CDH4: variants seen among roughly 807,000 people sequenced by gnomAD.
CDH4 encodes cadherin 4.
Under a neutral mutation model 86.0 loss-of-function variants are expected in CDH4, and 33 were observed. The observed-to-expected ratio is 0.38, with a 90% CI of 0.29 to 0.51. CDH4 has a LOEUF of 0.51. Among genes scored for constraint, CDH4 ranks in the 20% least tolerant of loss-of-function variants. CDH4 has a pLI of 0.86. For synonymous variants in CDH4, 555 were observed against 549.4 expected (o/e 1.01, Z -0.14); for missense variants, 1,114 against 1,307.4 (o/e 0.85, Z 2.28).
intron 2 of CDH4, among the ~76,000 whole-genome samples, chr20:61,345,091 G>A (rs2084670881): frequency 6.6e-6 from 1 of 152,228 alleles, no homozygotes; most frequent in South Asian, 2.1e-4. Flanking sequence ...ATTCCTAGCT[G>A]TCTCTTTCGA....
At chr20:61,723,135 A>C (rs1472968066) in intron 2 of CDH4, among the ~76,000 whole-genome samples, 2 of 151,908 alleles carry the variant, frequency 1.3e-5, no homozygotes, top group African/African-American at 2.4e-5. Flanking sequence ...TGTGTCCCCG[A>C]CTCCCAGAGG....
intron 4 of CDH4, among the ~76,000 whole-genome samples, chr20:61,786,294 C>T (rs1011012303): frequency 3.3e-5 from 5 of 152,268 alleles, no homozygotes; most frequent in African/African-American, 4.8e-5. Flanking sequence ...CCCCCATGAC[C>T]GTCTTGAGTG....
At chr20:61,905,502 G>A (rs1468166047) in intron 8 of CDH4, among the ~76,000 whole-genome samples, 1 of 152,102 alleles carries the variant, frequency 6.6e-6, no homozygotes, top group East Asian at 1.9e-4. Flanking sequence ...GATGTGAGGG[G>A]CCACAAAATC....
chr20:61,788,636 G>A (rs140157474), intron 4 of CDH4, among the ~76,000 whole-genome samples: 1 of 152,346 alleles, frequency 6.6e-6, no homozygotes, highest in African/African-American at 2.4e-5. Flanking sequence ...CCTGCAGGAG[G>A]CCTGACCATG....
chr20:61,920,217 ATGGTGTCACG>A (rs2054959808), intron 9 of CDH4, among the ~76,000 whole-genome samples: 1 of 127,348 alleles, frequency 7.9e-6, no homozygotes. Flanking sequence ...GCGTGGAAGC[ATGGTGTCACG>A]GTGATTGCAT....
At chr20:61,606,431 C>G (rs187247018) in intron 2 of CDH4, among the ~76,000 whole-genome samples, 1 of 152,206 alleles carries the variant, frequency 6.6e-6, no homozygotes. Context: ...GGGATTTGAA[C>G]CCAGACCCAG....
chr20:61,420,275 C>T (rs896748358), intron 2 of CDH4, among the ~76,000 whole-genome samples: 14 of 152,196 alleles, frequency 9.2e-5, no homozygotes, highest in Non-Finnish European at 5.9e-5. Flanking sequence ...GGGTCAGCAC[C>T]GGGGCCTGGA....
chr20:61,383,714 T>C (rs1443575472), intron 2 of CDH4, among the ~76,000 whole-genome samples: 1 of 130,016 alleles, frequency 7.7e-6, no homozygotes, highest in East Asian at 2.2e-4. Flanking sequence ...ATGTATATGA[T>C]ATATGATATA....
intron 2 of CDH4, among the ~76,000 whole-genome samples, chr20:61,498,247 A>G (rs1312047726): frequency 6.6e-6 from 1 of 152,118 alleles, no homozygotes; most frequent in Non-Finnish European, 1.5e-5. Flanking sequence ...ACCAGATCGG[A>G]TGGGCAAATA....
intron 2 of CDH4, among the ~76,000 whole-genome samples, chr20:61,578,688 T>A (rs1327875930): frequency 6.6e-6 from 1 of 152,196 alleles, no homozygotes; most frequent in Non-Finnish European, 1.5e-5. Context: ...TTGCACTTGC[T>A]GTGCATGGAA....
At position 61,322,494 on chromosome 20, in the gene CDH4, C is replaced by G. The variant is rs1485728850; in HGVS notation, c.169+67557C>G. Among the ~76,000 whole-genome samples the G allele has an allele frequency of 2.6e-5, 4 of 152,150 alleles. No individual in the cohort carries two copies. The East Asian group carries it at 7.7e-4, about 29-fold the overall frequency. On this transcript the variant is annotated intron_variant, in intron 2 of 15. Coordinates refer to ENST00000614565, the MANE Select transcript of CDH4 (RefSeq NM_001794.5). Reference sequence around the variant, plus strand: ...AAAGAAGTCAAGATTCTCTGTCTCCCTTTACAGCCCAGGATGAGTCCCTTC... The same window carrying G: ...AAAGAAGTCAAGATTCTCTGTCTCCGTTTACAGCCCAGGATGAGTCCCTTC...
intron 2 of CDH4, among the ~76,000 whole-genome samples, 165 bp from the exon 3 acceptor site, chr20:61,743,398 G>A (rs888974212): frequency 1.6e-4 from 24 of 152,194 alleles, no homozygotes; most frequent in African/African-American, 5.5e-4. Flanking sequence ...TCTCTAGGGG[G>A]TTGAGATAAA....
intron 4 of CDH4, among the ~76,000 whole-genome samples, chr20:61,785,880 C>T (rs191277321): frequency 6.4e-4 from 98 of 152,290 alleles, no homozygotes; most frequent in East Asian, 5.0e-3. Context: ...AGGGAGCGTG[C>T]GAGCGAGTGG....
At chr20:61,915,511 G>T (rs2122944482) in intron 9 of CDH4, among the ~76,000 whole-genome samples, 1 of 152,346 alleles carries the variant, frequency 6.6e-6, no homozygotes, top group Admixed American at 6.5e-5. Flanking sequence ...GAGACCCCAT[G>T]ATGCCTCTCC....
intron 9 of CDH4, among the ~76,000 whole-genome samples, chr20:61,917,288 T>A (rs2054913144): frequency 6.6e-6 from 1 of 152,162 alleles, no homozygotes; most frequent in South Asian, 2.1e-4. Context: ...CATCATACCC[T>A]CCTCAGGGCC....
At chr20:61,351,494 G>A (rs2084712184) in intron 2 of CDH4, among the ~76,000 whole-genome samples, 1 of 152,140 alleles carries the variant, frequency 6.6e-6, no homozygotes, top group Non-Finnish European at 1.5e-5. Context: ...TGGCATAAAT[G>A]ACATTTACTA....
At chr20:61,489,732 C>T (rs574113877) in intron 2 of CDH4, among the ~76,000 whole-genome samples, 1 of 152,236 alleles carries the variant, frequency 6.6e-6, no homozygotes, top group Non-Finnish European at 1.5e-5. Flanking sequence ...GTTGCTGCCA[C>T]GATCCTCAAT....
intron 2 of CDH4, among the ~76,000 whole-genome samples, chr20:61,266,888 G>A (rs1423145272): frequency 6.6e-6 from 1 of 152,176 alleles, no homozygotes; most frequent in African/African-American, 2.4e-5. Flanking sequence ...GATGTAATCA[G>A]TTTCAGAATC....
At chr20:61,320,504 T>A (rs566472496) in intron 2 of CDH4, among the ~76,000 whole-genome samples, 29 of 151,930 alleles carry the variant, frequency 1.9e-4, no homozygotes, top group African/African-American at 7.0e-4. Context: ...TACCATGAAA[T>A]GTTTTACTTC....
Sources: allele counts gnomAD v4.1 joint callset (sites outside exome capture counted in the v4.1 genomes callset), GRCh38; gene constraint gnomAD v4.1.1; transcripts MANE v1.5; gene names NCBI Gene and HGNC (gene_info 2026-07-23, HGNC 2026-07-21).